The following ZNF469 variants were observed in gnomAD, a reference collection of about 807,000 sequenced individuals.
The protein encoded by ZNF469 is zinc finger protein 469.
A neutral mutation model predicts 1.0 loss-of-function variants in ZNF469; 1 was observed. The observed-to-expected ratio is 1.00, with a 90% CI of 0.35 to 4.73. The LOEUF (loss-of-function observed/expected upper bound fraction) is 4.73. ZNF469 is among the 30% of genes most tolerant of loss of function. The probability of loss-of-function intolerance (pLI) is 0.16; values close to 1 mark genes in which losing one functional copy is unlikely to be tolerated. For missense variants in ZNF469, 6,100 were observed against 5,356.3 expected, an observed-to-expected ratio of 1.14 and a Z score of -4.33; for synonymous variants, 2,703 against 2,363.4, an observed-to-expected ratio of 1.14 and a Z score of -4.17.
the ZNF469 span, among the ~76,000 whole-genome samples, chr16:88,305,386 T>A: frequency 1.3e-5 from 1 of 75,486 alleles, no homozygotes; most frequent in African/African-American, 5.5e-5. Context: ...ATGCACACCC[T>A]CACATGTGCA....
chr16:88,381,062 A>C (rs531138809), upstream of ZNF469, among the ~76,000 whole-genome samples: 1 of 147,426 alleles, frequency 6.8e-6, no homozygotes, highest in South Asian at 2.2e-4. Context: ...ACACGCTCTC[A>C]CACACAGGCA....
intron 1 of ZNF469, among the ~76,000 whole-genome samples, chr16:88,383,600 G>A (rs1599341883): frequency 6.6e-6 from 1 of 150,440 alleles, no homozygotes; most frequent in Non-Finnish European, 1.5e-5. Context: ...CGGAGCGAGG[G>A]GCTCGGGGAG....
chr16:88,429,249 G>A lies in ZNF469; in HGVS notation c.1779G>A (p.Leu593=). ...GAGCCTCCCCCAGCGAGTCCCCACT[G>A]CCGTCACCGGCCACCAACACGGCCG... ...VVGASPSESP[L]PSPATNTAGS... is the part of the protein sequence containing the mutation. Residue 593 remains leucine (L), a synonymous_variant, in exon 3 of 3, where the codon CTG becomes CTA. Transcript: ENST00000565624. The A allele has an allele frequency of 5.8e-6, 9 of 1,549,798 alleles. No individual in the cohort carries two copies. Among genetic ancestry groups the A allele is most frequent in the Non-Finnish European group, 7.8e-6 (9 of 1,146,818 alleles).
At chr16:88,372,902 A>G in the ZNF469 span, among the ~76,000 whole-genome samples, 1 of 151,460 alleles carries the variant, frequency 6.6e-6, no homozygotes, top group African/African-American at 2.4e-5. Flanking sequence ...CACTACCATC[A>G]TTACCAACAT....
the ZNF469 span, chr16:88,179,050 TG>T: frequency 6.6e-6 from 1 of 152,288 alleles, no homozygotes. Context: ...AAGACGGGCG[TG>T]TGATCCTGTG....
chr16:88,229,035 C>A, the ZNF469 span, among the ~76,000 whole-genome samples: 1 of 152,212 alleles, frequency 6.6e-6, no homozygotes, highest in African/African-American at 2.4e-5. Context: ...CCACGGTCAA[C>A]AAACAGCATT....
At chr16:88,112,960 A>C in the ZNF469 span, among the ~76,000 whole-genome samples, 550 of 151,608 alleles carry the variant, frequency 3.6e-3, 1 homozygote, top group Non-Finnish European at 4.4e-3. Flanking sequence ...TTGCATTTTT[A>C]GTAGAGACGG....
the ZNF469 span, among the ~76,000 whole-genome samples, chr16:88,226,667 C>G: frequency 1.3e-5 from 2 of 152,074 alleles, no homozygotes; most frequent in Admixed American, 6.5e-5. Flanking sequence ...GGGTGATGCT[C>G]CAGATGCTCG....
the ZNF469 span, among the ~76,000 whole-genome samples, chr16:88,105,303 C>CT: frequency 2.3e-5 from 3 of 129,948 alleles, no homozygotes; most frequent in Admixed American, 7.8e-5. Context: ...TTCTTTCTTT[C>CT]TTTTTTTTTT....
At chr16:88,158,184 G>A in the ZNF469 span, among the ~76,000 whole-genome samples, 1 of 151,888 alleles carries the variant, frequency 6.6e-6, no homozygotes, top group East Asian at 1.9e-4. Context: ...CTGCTGCTGG[G>A]GCCCCACCTT....
the ZNF469 span, among the ~76,000 whole-genome samples, chr16:88,135,795 C>G: frequency 1.5e-4 from 19 of 122,606 alleles, no homozygotes; most frequent in Admixed American, 2.3e-4. Flanking sequence ...GAGTCTCGCT[C>G]TGTCGCCCAA....
At position 88,433,718 on chromosome 16, in the gene ZNF469, C is replaced by T. The variant is rs1228575972; in HGVS notation, c.6248C>T (p.Thr2083Ile). The T allele has an allele frequency of 1.9e-6, 3 of 1,549,000 alleles. No individual in the cohort carries two copies. Among genetic ancestry groups the T allele is most frequent in the Non-Finnish European group, 1.7e-6 (2 of 1,146,722 alleles). ...AHSRSGSEGRTPERASSPGLN... is the reference protein window; with the variant it reads ...AHSRSGSEGRIPERASSPGLN... Reference sequence around the variant, plus strand: ...AGCCGAAGTGGATCTGAGGGCCGGACTCCAGAGAGGGCGTCCAGCCCCGGC... The same window carrying T: ...AGCCGAAGTGGATCTGAGGGCCGGATTCCAGAGAGGGCGTCCAGCCCCGGC... The change falls in exon 3 of 3, where the codon ACT (threonine) becomes ATT (isoleucine). Residue 2083 changes from threonine (T) to isoleucine (I), a missense_variant. Coordinates refer to ENST00000565624, the MANE Select transcript of ZNF469 (RefSeq NM_001367624.2).
At chr16:88,259,133 G>A in the ZNF469 span, among the ~76,000 whole-genome samples, 1 of 152,272 alleles carries the variant, frequency 6.6e-6, no homozygotes, top group Non-Finnish European at 1.5e-5. The surrounding 1 kb of genome is among the most constrained non-coding windows in gnomAD (Gnocchi z 4.1). Context: ...AAAAGAAAAA[G>A]CCATGCCACA....
At chr16:88,393,766 A>C (rs1336410618) in intron 1 of ZNF469, among the ~76,000 whole-genome samples, 1 of 152,242 alleles carries the variant, frequency 6.6e-6, no homozygotes, top group Non-Finnish European at 1.5e-5. Flanking sequence ...TTGGTCTGAA[A>C]GGCAGAGGCC....
the ZNF469 span, among the ~76,000 whole-genome samples, chr16:88,171,312 A>G: frequency 6.6e-6 from 1 of 152,162 alleles, no homozygotes; most frequent in Non-Finnish European, 1.5e-5. Flanking sequence ...CATGTTGAGA[A>G]TTCGAAGTGA....
chr16:88,349,981 A>G, the ZNF469 span, among the ~76,000 whole-genome samples: 1 of 106,956 alleles, frequency 9.3e-6, no homozygotes, highest in Non-Finnish European at 2.0e-5. Context: ...ATACCACACA[A>G]TACACACCAC....
At position 88,432,395 on chromosome 16, in the gene ZNF469, C is replaced by T. The variant is rs1007534911; in HGVS notation, c.4925C>T (p.Ser1642Leu). The change falls in exon 3 of 3, where the codon TCG becomes TTG. Residue 1642 changes from serine to leucine, a missense_variant. Ser to Leu is a moderately radical substitution (Grantham distance 145). Transcript: ENST00000565624. Reference protein sequence around the residue: ...ESTAHREGAESAVATVEAVQG... With the variant: ...ESTAHREGAELAVATVEAVQG... ...ACTGCACATCGGGAGGGTGCGGAAT[C>T]GGCTGTGGCCACCGTGGAAGCGGTT... 20 of 1,549,534 alleles carry T rather than the reference C, an allele frequency of 1.3e-5. No homozygotes were observed. The highest frequency in any genetic ancestry group is 5.5e-5 in the African/African-American group (4 of 73,054).
the ZNF469 span, among the ~76,000 whole-genome samples, chr16:88,230,737 AGAG>A: frequency 6.6e-6 from 1 of 152,000 alleles, no homozygotes; most frequent in Non-Finnish European, 1.5e-5. Flanking sequence ...GACCCCCCCT[AGAG>A]GAGTGGAACA....
At chr16:88,177,809 G>A in the ZNF469 span, 1 of 152,306 alleles carries the variant, frequency 6.6e-6, no homozygotes, top group Non-Finnish European at 1.5e-5. The surrounding 1 kb of genome is among the most constrained non-coding windows in gnomAD (Gnocchi z 4.8). Context: ...CCGGGTTCAA[G>A]TGCTCCCCCT....
Sources: gnomAD v4.1 joint callset for allele counts (sites outside exome capture counted in the v4.1 genomes callset) on GRCh38, gnomAD v4.1.1 for gene constraint, Gnocchi (gnomAD v3.1) non-coding constraint, MANE v1.5 for transcripts, NCBI Gene and HGNC (gene_info 2026-07-23, HGNC 2026-07-21) for gene names.